The following VPS39 variants were observed in gnomAD, a reference collection of about 807,000 sequenced individuals.
VPS39 encodes vam6/Vps39-like protein.
VPS39 carries 70 observed loss-of-function variants against 121.0 expected under a neutral mutation model. That is an observed-to-expected ratio of 0.58 (90% CI 0.48 to 0.71). The LOEUF (loss-of-function observed/expected upper bound fraction) is 0.71, where lower values mean the gene tolerates loss of function less well. VPS39 is among the 30% of genes least tolerant of loss of function. The pLI, the probability that VPS39 is intolerant of heterozygous loss-of-function variation, is 0.00. For synonymous variants in VPS39, 378 were observed against 398.1 expected (o/e 0.95, Z 0.60); for missense variants, 818 against 1,051.5 (o/e 0.78, Z 3.07).
chr15:42,184,054 C>CAAAAAAAAA (rs34358912), intron 8 of VPS39: 21 of 57,760 alleles, frequency 3.6e-4, no homozygotes, highest in East Asian at 1.1e-3. Context: ...CTCTAAGCTA[C>CAAAAAAAAA]AAAAAAAAAA....
intron 7 of VPS39, among the ~76,000 whole-genome samples, chr15:42,185,508 T>C (rs757797403): frequency 1.3e-5 from 2 of 152,172 alleles, no homozygotes; most frequent in Non-Finnish European, 1.5e-5. Flanking sequence ...CATCAACTGA[T>C]GAATGGATAA....
chr15:42,171,361 G>A (rs1039429976), intron 11 of VPS39, among the ~76,000 whole-genome samples: 2 of 152,186 alleles, frequency 1.3e-5, no homozygotes, highest in Admixed American at 1.3e-4. Flanking sequence ...GGCATTTCCA[G>A]TGTCTGGTTA....
chr15:42,194,998 G>A (rs1386493400), intron 2 of VPS39, among the ~76,000 whole-genome samples: 2 of 151,686 alleles, frequency 1.3e-5, no homozygotes, highest in Admixed American at 1.3e-4. Context: ...TTTTGTCCTT[G>A]TAGGTCCTCT....
At chr15:42,171,094 G>A (rs879802419) in intron 11 of VPS39, among the ~76,000 whole-genome samples, 16 of 152,038 alleles carry the variant, frequency 1.1e-4, no homozygotes, top group Non-Finnish European at 1.6e-4. Context: ...CACTGACTGG[G>A]GGCTGGTTAT....
chr15:42,162,584 G>C, intron 21 of VPS39, 103 bp from the exon 22 acceptor site: 1 of 1,333,230 alleles, frequency 7.5e-7, no homozygotes, highest in Non-Finnish European at 9.9e-7. Flanking sequence ...TACAGTAACA[G>C]CTATCACTGA....
Position 42,178,203 on chromosome 15 carries a change from A to G in VPS39, c.960+15T>C. On this transcript the variant is annotated intron_variant, in intron 10 of 24. Coordinates refer to ENST00000318006, the MANE Select transcript of VPS39 (RefSeq NM_015289.5). ...GAACAATAAGGAAGGAAGACTAGTCAGGAACAAGACTTACTGCGAGCTGCA... is the reference window on the plus strand; with the variant it reads ...GAACAATAAGGAAGGAAGACTAGTCGGGAACAAGACTTACTGCGAGCTGCA... 3 of 1,614,054 alleles carry G rather than the reference A, an allele frequency of 1.9e-6. No individual in the cohort carries two copies. The highest frequency in any genetic ancestry group is 2.2e-5 in the East Asian group (1 of 44,884).
rs988509940 is a variant in VPS39 at position 42,169,734 on chromosome 15, T to C, written c.1223A>G (p.Tyr408Cys). The C allele has an allele frequency of 1.2e-6, 2 of 1,613,898 alleles. No individual in the cohort carries two copies. The highest frequency in any genetic ancestry group is 1.1e-5 in the South Asian group (1 of 91,064). ...LEKAHLALID[Y>C]LTQKRSQLVK... ...CTGTACTATACCTACCTGTGTCAGG[T>C]AGTCAATCAGAGCTAAGTGAGCCTT... The change falls in exon 12 of 25, where the codon TAC (tyrosine) becomes TGC (cysteine). Residue 408 changes from tyrosine to cysteine, a missense_variant. Transcript: ENST00000318006.
chr15:42,181,748 C>T (rs1443243110), intron 8 of VPS39, among the ~76,000 whole-genome samples: 1 of 151,522 alleles, frequency 6.6e-6, no homozygotes, highest in Non-Finnish European at 1.5e-5. Context: ...CTCTATAGGC[C>T]CGGCTGGAAT....
intron 8 of VPS39, among the ~76,000 whole-genome samples, chr15:42,179,281 G>T (rs1932337636): frequency 1.3e-5 from 2 of 151,994 alleles, no homozygotes; most frequent in Admixed American, 1.3e-4. Context: ...GTGGCGGGAG[G>T]GGGAAAGGCC....
At chr15:42,175,451 G>A (rs1171278602) in intron 10 of VPS39, among the ~76,000 whole-genome samples, 1 of 151,802 alleles carries the variant, frequency 6.6e-6, no homozygotes, top group Non-Finnish European at 1.5e-5. Context: ...AAAGCCATCT[G>A]GCATAGCTGG....
At chr15:42,164,867 T>A (rs1197805160) in intron 18 of VPS39, 129 bp downstream of exon 18, 24 of 1,479,564 alleles carry the variant, frequency 1.6e-5, no homozygotes, top group Non-Finnish European at 2.1e-5. Flanking sequence ...CTCCCCTGGC[T>A]CCTCTTCAGA....
At chr15:42,202,691 C>T (rs1018492248) in intron 1 of VPS39, among the ~76,000 whole-genome samples, 1 of 152,168 alleles carries the variant, frequency 6.6e-6, no homozygotes, top group African/African-American at 2.4e-5. Flanking sequence ...TTTTCTTTAT[C>T]TTTTTTAATA....
At chr15:42,190,686 TTATCTAC>T (rs2049809080) in intron 4 of VPS39, among the ~76,000 whole-genome samples, 1 of 152,222 alleles carries the variant, frequency 6.6e-6, no homozygotes, top group African/African-American at 2.4e-5. Context: ...GAAAGTCTAG[TTATCTAC>T]TAGACAATAT....
Position 42,199,918 on chromosome 15 carries a change from GAGA to G in VPS39, c.114_116del (p.Leu39del), listed in dbSNP as rs1566911377. 6.3e-6 allele frequency: 10 copies of G among 1,594,332 alleles called. No individual in the cohort carries two copies. Among genetic ancestry groups the G allele is most frequent in the Non-Finnish European group, 8.5e-6 (10 of 1,173,972 alleles). On this transcript the variant is annotated inframe_deletion, in exon 2 of 25. Transcript: ENST00000318006. ...TACCAACGTCCTTCCGAATCCTATAGAGAAGAAGATGTCCTTGTTTGGTTCCCA... is the reference window on the plus strand; with the variant it reads ...TACCAACGTCCTTCCGAATCCTATAGAGAAGATGTCCTTGTTTGGTTCCCA...
chr15:42,195,884 C>T (rs146990833), intron 2 of VPS39, among the ~76,000 whole-genome samples: 2,126 of 152,272 alleles, frequency 0.014, 47 homozygotes, highest in African/African-American at 0.049. Flanking sequence ...GCAAAAAGAA[C>T]AAAGCTGGAG....
chr15:42,208,034 C>A, intron 1 of VPS39, 47 bp downstream of exon 1: 22 of 1,548,876 alleles, frequency 1.4e-5, no homozygotes, highest in Non-Finnish European at 1.9e-5. Context: ...AAGATCCGGA[C>A]CGCTCCTGTG....
chr15:42,207,150 C>T (rs2050191116), intron 1 of VPS39, among the ~76,000 whole-genome samples: 1 of 151,838 alleles, frequency 6.6e-6, no homozygotes, highest in African/African-American at 2.4e-5. Flanking sequence ...GAACAGCTGA[C>T]GCACATGGTA....
chr15:42,196,703 G>C (rs1046878100), intron 2 of VPS39, among the ~76,000 whole-genome samples: 16 of 152,186 alleles, frequency 1.1e-4, no homozygotes, highest in Non-Finnish European at 2.1e-4. Context: ...TAGAGAAACA[G>C]GAACGCTTTT....
intron 24 of VPS39, 194 bp from the exon 25 acceptor site, chr15:42,161,023 G>A (rs1274100686): frequency 8.3e-6 from 5 of 604,162 alleles, no homozygotes; most frequent in Non-Finnish European, 1.5e-5. Flanking sequence ...ACCAAACAGA[G>A]GATGAGGTGC....
Sources: allele counts gnomAD v4.1 joint callset (sites outside exome capture counted in the v4.1 genomes callset), GRCh38; gene constraint gnomAD v4.1.1; transcripts MANE v1.5; gene names NCBI Gene and HGNC (gene_info 2026-07-23, HGNC 2026-07-21).